The following CABP5 variants were observed in gnomAD, a reference collection of about 807,000 sequenced individuals.
CABP5 encodes the protein calcium binding protein 5.
In CABP5, 17 loss-of-function variants were observed where a neutral mutation model predicts 21.9. The ratio of observed to expected loss-of-function variants is 0.78; its 90% CI spans 0.53 to 1.17. The LOEUF is 1.17. Ranked by LOEUF, CABP5 falls within the 50% of genes most tolerant of loss-of-function variation. The pLI, the probability that CABP5 is intolerant of heterozygous loss-of-function variation, is 0.00. For missense variants in CABP5, 229 were observed against 228.9 expected, an observed-to-expected ratio of 1.00 and a Z score of 0.00; for synonymous variants, 85 against 79.4, an observed-to-expected ratio of 1.07 and a Z score of -0.37.
In CABP5 at chr19:48,043,841, C is replaced by T. The variant is rs745486326; in HGVS notation, c.63+19G>A. 13 of 1,494,724 alleles carry T rather than the reference C, an allele frequency of 8.7e-6. No homozygotes were observed. In the African/African-American group the frequency reaches 8.8e-5, roughly 10 times the overall value. The allele number at this position is 1,494,724 out of a possible 1,614,324, so 92.6% of individuals were successfully genotyped here. A position where few individuals can be genotyped will look rare whatever the true frequency, so the allele number is the denominator to read the frequency against. On this transcript the variant is annotated intron_variant, in intron 1 of 5. Transcript: ENST00000293255. ...CCTTTGCCCCGCCCACCGCCCTTCC[C>T]CCTCACTCCCCACCTCACCCGCTGT...
In CABP5 at chr19:48,039,221, T is replaced by A. The variant is rs748393361; in HGVS notation, c.335A>T (p.Asp112Val). Residue 112 changes from aspartate (D) to valine (V), a missense_variant, in exon 4 of 6, where the codon GAT (aspartate) becomes GTT (valine). Transcript: ENST00000293255. ...CTGTTAACTCACCTCCTTGAAGGCA[T>A]CCCGCATCTCCTGGACACCGATCAT... is the stretch of plus-strand genomic sequence containing the variant. ...AGMIGVQEMRDAFKEFDTNGD... is the reference protein window; with the variant it reads ...AGMIGVQEMRVAFKEFDTNGD... 6.2e-6 allele frequency: 10 copies of A among 1,613,576 alleles called. No homozygotes were observed. The African/African-American group carries it at 1.2e-4, about 19-fold the overall frequency.
At chr19:48,043,813 C>T in intron 1 of CABP5, 47 bp downstream of exon 1, 2 of 1,438,510 alleles carry the variant, frequency 1.4e-6, no homozygotes, top group Admixed American at 2.8e-5. Context: ...CACACCCCTG[C>T]TCCCTTTGCC....
rs543605300 is a variant in CABP5, at chr19:48,041,745, T to G, written c.64-142A>C. The G allele has an allele frequency of 2.0e-4, 137 of 701,380 alleles. No homozygotes were observed. The African/African-American group carries it at 2.5e-3, about 13-fold the overall frequency. The allele number at this position is 701,380 out of a possible 1,614,324, so 43.4% of individuals were successfully genotyped here. A position where few individuals can be genotyped will look rare whatever the true frequency, so the allele number is the denominator to read the frequency against. On this transcript the variant is annotated intron_variant, in intron 1 of 5. Transcript: ENST00000293255. Reference sequence around the variant, plus strand: ...TCTCCTCCTCCATCCCTCCCATTCCTTTTCCCATCTCCTGACTCCTGTTCC... The same window carrying G: ...TCTCCTCCTCCATCCCTCCCATTCCGTTTCCCATCTCCTGACTCCTGTTCC...
At chr19:48,039,350 C>G in intron 3 of CABP5, 33 bp from the exon 4 acceptor site, 1 of 1,546,882 alleles carries the variant, frequency 6.5e-7, no homozygotes, top group Non-Finnish European at 8.9e-7. Flanking sequence ...AGCGAGACCC[C>G]ACAAGCCCTG....
chr19:48,038,405 A>G (rs1967437697), intron 4 of CABP5, among the ~76,000 whole-genome samples: 1 of 152,214 alleles, frequency 6.6e-6, no homozygotes, highest in African/African-American at 2.4e-5. Flanking sequence ...GATATAAGCA[A>G]GTCTGTTATT....
chr19:48,043,569 A>G (rs553092234), intron 1 of CABP5, among the ~76,000 whole-genome samples: 34 of 1,154 alleles, frequency 0.029, no homozygotes, highest in African/African-American at 0.078. Flanking sequence ...ATGAGCATCC[A>G]TAGAAAAGAA....
intron 3 of CABP5, 55 bp from the exon 4 acceptor site, chr19:48,039,372 C>A: frequency 7.3e-7 from 1 of 1,375,630 alleles, no homozygotes; most frequent in Non-Finnish European, 1.0e-6. Flanking sequence ...CCTTCCATTA[C>A]CTCACTTTGT....
At chr19:48,040,513 C>A (rs768029361) in intron 3 of CABP5, 92 bp downstream of exon 3, 18 of 1,378,546 alleles carry the variant, frequency 1.3e-5, no homozygotes, top group Non-Finnish European at 1.7e-5. Context: ...CTCCTCTCCA[C>A]CCCCAACTCT....
intron 3 of CABP5, 113 bp from the exon 4 acceptor site, chr19:48,039,430 C>T (rs889580241): frequency 1.6e-5 from 12 of 757,620 alleles, no homozygotes; most frequent in South Asian, 1.3e-4. Flanking sequence ...CTATAAGAGC[C>T]GTCTTTGACT....
At chr19:48,035,224 T>C (rs1247302031) in intron 4 of CABP5, among the ~76,000 whole-genome samples, 1 of 152,218 alleles carries the variant, frequency 6.6e-6, no homozygotes, top group African/African-American at 2.4e-5. Context: ...TTTGTCCTTT[T>C]GTGCCTGGCT....
Position 48,039,273 on chromosome 19 carries a change from G to C in CABP5, c.283C>G (p.Pro95Ala), listed in dbSNP as rs1371741987. 1.2e-6 allele frequency: 2 copies of C among 1,614,084 alleles called. No homozygotes were observed. Among genetic ancestry groups the C allele is most frequent in the Admixed American group, 3.3e-5 (2 of 59,980 alleles). ...CCAGCTGTTTCTGCAAGCAATTTGGGGGTCATCAGCTCCACAAAGTCATCA... is the reference window on the plus strand; with the variant it reads ...CCAGCTGTTTCTGCAAGCAATTTGGCGGTCATCAGCTCCACAAAGTCATCA... ...DFDDFVELMT[P>A]KLLAETAGMI... The change falls in exon 4 of 6, where the codon CCC (proline) becomes GCC (alanine). Residue 95 changes from proline (P) to alanine (A), a missense_variant. Physicochemically the swap from Pro to Ala is conservative, Grantham distance 27. Coordinates refer to ENST00000293255, the MANE Select transcript of CABP5 (RefSeq NM_019855.5).
At chr19:48,033,818 GA>G (rs1967372353) in intron 5 of CABP5, among the ~76,000 whole-genome samples, 1 of 152,186 alleles carries the variant, frequency 6.6e-6, no homozygotes, top group East Asian at 1.9e-4. Context: ...AGTCAGCGAT[GA>G]TCCTGAATTT....
intron 4 of CABP5, among the ~76,000 whole-genome samples, chr19:48,035,670 C>G (rs1001849822): frequency 6.6e-6 from 1 of 152,298 alleles, no homozygotes; most frequent in East Asian, 1.9e-4. Flanking sequence ...CAGCTGTAGG[C>G]TGAGGAAGCT....
chr19:48,030,572 C>G lies in CABP5; in HGVS notation c.507G>C (p.Lys169Asn). 1 of 1,612,448 alleles carries G rather than the reference C, an allele frequency of 6.2e-7. No individual in the cohort carries two copies. The highest frequency in any genetic ancestry group is 8.5e-7 in the Non-Finnish European group (1 of 1,179,710). ...CAGGACCTCCTCAGCGAGACATCAT[C>G]TTCACAAACTCTGCAAAGAAAAAAA... ...DGTVDFEEFVKMMSR is the reference protein window; with the variant it reads ...DGTVDFEEFVNMMSR The change falls in exon 6 of 6, where the codon AAG becomes AAC. Residue 169 changes from lysine (K) to asparagine (N), a missense_variant. Lys to Asn is a moderately conservative substitution (Grantham distance 94). Coordinates refer to ENST00000293255, the MANE Select transcript of CABP5 (RefSeq NM_019855.5).
At chr19:48,033,814 C>T (rs983339760) in intron 5 of CABP5, among the ~76,000 whole-genome samples, 5 of 152,086 alleles carry the variant, frequency 3.3e-5, no homozygotes, top group East Asian at 3.9e-4. Flanking sequence ...GCTGAGTCAG[C>T]GATGATCCTG....
rs72005770 is a variant in CABP5, at chr19:48,029,798, C to CAG, written c.*757_*758dup. 0.12 allele frequency among the ~76,000 whole-genome samples: 14,985 copies of CAG among 120,050 alleles called. 1,050 individuals are homozygous for CAG. Among genetic ancestry groups the CAG allele is most frequent in the African/African-American group, 0.2 (6,050 of 30,636 alleles). 78.8% of individuals were successfully genotyped at this position (120,050 alleles called of 152,430 possible). A position where few individuals can be genotyped will look rare whatever the true frequency, so the allele number is the denominator to read the frequency against. The stretch of plus-strand genomic sequence containing the variant: ...GGGAGGGGAGACAGAGACAGACAGA[C>CAG]AGAGAGAGAGAGAGAGAGAGAGAGA... On this transcript the variant is annotated 3_prime_UTR_variant, in exon 6 of 6. Coordinates refer to ENST00000293255, the MANE Select transcript of CABP5 (RefSeq NM_019855.5).
Position 48,029,828 on chromosome 19 carries a change from G to GAGACAGAGAGAGAC in CABP5, c.*728_*729insGTCTCTCTCTGTCT, listed in dbSNP as rs1555737224. On this transcript the variant is annotated 3_prime_UTR_variant, in exon 6 of 6. Coordinates refer to ENST00000293255, the MANE Select transcript of CABP5 (RefSeq NM_019855.5). ...AGAGAGAGAGAGAGAGAGAGAGAGA[G>GAGACAGAGAGAGAC]AGAGAGAGAAACCAGACAGTGCTTC... 17 of 150,532 alleles carry GAGACAGAGAGAGAC rather than the reference G, an allele frequency of 1.1e-4. No homozygotes were observed. The highest frequency in any genetic ancestry group is 3.4e-3 in the Middle Eastern group (1 of 292). 9.3% of individuals were successfully genotyped at this position (150,532 alleles called of 1,614,324 possible).
Position 48,034,277 on chromosome 19 carries a change from C to A in CABP5, c.434G>T (p.Arg145Leu). 1 of 1,608,134 alleles carries A rather than the reference C, an allele frequency of 6.2e-7. No homozygotes were observed. The highest frequency in any genetic ancestry group is 8.5e-7 in the Non-Finnish European group (1 of 1,177,694). ...CTCCCGGACAACCTCAGAGATCTCCCGGGGGGTGAGCCGCTCCCCCAGGAG... is the reference window on the plus strand; with the variant it reads ...CTCCCGGACAACCTCAGAGATCTCCAGGGGGGTGAGCCGCTCCCCCAGGAG... ...QRLLGERLTP[R>L]EISEVVREAD... Residue 145 changes from arginine to leucine, a missense_variant, in exon 5 of 6, where the codon CGG becomes CTG. Coordinates refer to ENST00000293255, the MANE Select transcript of CABP5 (RefSeq NM_019855.5).
intron 5 of CABP5, among the ~76,000 whole-genome samples, chr19:48,032,334 CTTTT>C (rs11384879): frequency 0.31 from 44,638 of 144,122 alleles, 7,604 homozygotes; most frequent in Non-Finnish European, 0.39. Context: ...TAATTTTGGA[CTTTT>C]TTTTTTTTTT....
Sources: allele counts gnomAD v4.1 joint callset (sites outside exome capture counted in the v4.1 genomes callset), GRCh38; gene constraint gnomAD v4.1.1; transcripts MANE v1.5; gene names NCBI Gene and HGNC (gene_info 2026-07-23, HGNC 2026-07-21).